Variants in GPD1L observed in about 807,000 individuals in gnomAD.
GPD1L encodes glycerol-3-phosphate dehydrogenase 1-like protein.
GPD1L carries 17 observed loss-of-function variants against 32.9 expected under a neutral mutation model. The observed-to-expected ratio is 0.52, with a 90% CI of 0.35 to 0.78. The LOEUF (loss-of-function observed/expected upper bound fraction) is 0.78. Among genes scored for constraint, GPD1L ranks in the 30% least tolerant of loss-of-function variants. GPD1L has a pLI of 0.01. For missense variants in GPD1L, 361 were observed against 447.8 expected, an observed-to-expected ratio of 0.81 and a Z score of 1.75; for synonymous variants, 187 against 165.9, an observed-to-expected ratio of 1.13 and a Z score of -0.98.
At chr3:32,136,427 A>C (rs1452551017) in intron 2 of GPD1L, among the ~76,000 whole-genome samples, 1 of 152,230 alleles carries the variant, frequency 6.6e-6, no homozygotes, top group Non-Finnish European at 1.5e-5. Flanking sequence ...GGTAGGGGCC[A>C]ATTCCACCCA....
chr3:32,121,027 G>A (rs1401501203), intron 1 of GPD1L, among the ~76,000 whole-genome samples: 1 of 152,092 alleles, frequency 6.6e-6, no homozygotes, highest in Non-Finnish European at 1.5e-5. Flanking sequence ...TAGAGCAGAA[G>A]GGTTAAAAGG....
Position 32,168,145 on chromosome 3 carries a change from C to T in GPD1L, c.*2235C>T, listed in dbSNP as rs376782349. On this transcript the variant is annotated 3_prime_UTR_variant, in exon 8 of 8. Transcript: ENST00000282541. ...TTCTTTACAAATGCCCTTGTAATTA[C>T]CACTCTGAAGTCTGCTGACTGTGTC... The T allele has an allele frequency of 8.5e-5, 13 of 152,350 alleles. No individual in the cohort carries two copies. The highest frequency in any genetic ancestry group is 5.2e-4 in the Admixed American group (8 of 15,292). 9.4% of individuals were successfully genotyped at this position (152,350 alleles called of 1,614,324 possible).
chr3:32,156,424 A>G (rs1242081124), intron 5 of GPD1L, among the ~76,000 whole-genome samples: 2 of 152,150 alleles, frequency 1.3e-5, no homozygotes, highest in Non-Finnish European at 2.9e-5. Flanking sequence ...CTGCAATGAG[A>G]GGCATAAGCA....
At chr3:32,136,341 C>A (rs1455325326) in intron 2 of GPD1L, among the ~76,000 whole-genome samples, 1 of 152,238 alleles carries the variant, frequency 6.6e-6, no homozygotes, top group African/African-American at 2.4e-5. Context: ...CAGAAGACAT[C>A]TACTGGTTTC....
At chr3:32,118,128 A>G (rs2125471805) in intron 1 of GPD1L, among the ~76,000 whole-genome samples, 1 of 152,334 alleles carries the variant, frequency 6.6e-6, no homozygotes, top group South Asian at 2.1e-4. Flanking sequence ...GTTGGCTAAC[A>G]GGCCTTGGGA....
intron 7 of GPD1L, among the ~76,000 whole-genome samples, chr3:32,162,257 G>C (rs186805585): frequency 1.6e-4 from 25 of 152,308 alleles, no homozygotes; most frequent in African/African-American, 6.0e-4. Context: ...ATGGTCCTTA[G>C]GCAGATGTGG....
chr3:32,149,025 A>G (rs371994351), intron 5 of GPD1L, among the ~76,000 whole-genome samples: 14 of 152,314 alleles, frequency 9.2e-5, no homozygotes, highest in African/African-American at 3.4e-4. Flanking sequence ...AACAAAAACT[A>G]GATATTAGTG....
intron 1 of GPD1L, among the ~76,000 whole-genome samples, chr3:32,108,206 C>G (rs528190587): frequency 1.4e-4 from 22 of 152,042 alleles, no homozygotes; most frequent in African/African-American, 5.1e-4. Flanking sequence ...GGCAACACGG[C>G]AAAACCCCGC....
intron 4 of GPD1L, among the ~76,000 whole-genome samples, chr3:32,144,437 C>T (rs541233314): frequency 6.6e-6 from 1 of 152,166 alleles, no homozygotes; most frequent in African/African-American, 2.4e-5. Flanking sequence ...TACATAAGCT[C>T]CTTATGGAAC....
At chr3:32,113,072 C>T (rs540448444) in intron 1 of GPD1L, among the ~76,000 whole-genome samples, 17 of 152,268 alleles carry the variant, frequency 1.1e-4, no homozygotes, top group Middle Eastern at 3.4e-3. Context: ...CAACAAAATC[C>T]AATTTTATAT....
chr3:32,158,908 C>T lies in GPD1L; in HGVS notation c.651C>T (p.Asp217=), dbSNP rs149641866. ...TAGCTGTGGGAGCTGGGTTCTGCGA[C>T]GGCCTCCGCTGTGGAGACAACACCA... ...NIVAVGAGFC[D]GLRCGDNTKA... The change falls in exon 6 of 8, where the codon GAC becomes GAT. Residue 217 remains aspartate (D), a synonymous_variant. Transcript: ENST00000282541. 1.1e-4 allele frequency: 180 copies of T among 1,614,096 alleles called. No individual in the cohort carries two copies. The highest frequency in any genetic ancestry group is 1.4e-4 in the Non-Finnish European group (163 of 1,180,006).
At chr3:32,150,330 T>C (rs547396086) in intron 5 of GPD1L, among the ~76,000 whole-genome samples, 2 of 152,290 alleles carry the variant, frequency 1.3e-5, no homozygotes, top group South Asian at 4.1e-4. Flanking sequence ...TTAATCTATG[T>C]TATCTTTTTT....
chr3:32,108,881 C>T (rs1038949897), intron 1 of GPD1L, among the ~76,000 whole-genome samples: 1 of 152,264 alleles, frequency 6.6e-6, no homozygotes. Flanking sequence ...ACGGAGTCTC[C>T]CTCTGTCGCC....
intron 5 of GPD1L, chr3:32,151,638 C>G (rs1274016866): frequency 5.8e-6 from 1 of 171,654 alleles, no homozygotes; most frequent in Non-Finnish European, 1.2e-5. Flanking sequence ...TGCCACCATG[C>G]CTGCTAATTT....
intron 3 of GPD1L, 59 bp from the exon 4 acceptor site, chr3:32,140,169 A>G (rs775149433): frequency 3.2e-6 from 5 of 1,574,842 alleles, no homozygotes; most frequent in African/African-American, 1.3e-5. Context: ...GACATCTACT[A>G]TCCCATGCCT....
chr3:32,144,336 A>G (rs1700790010), intron 4 of GPD1L, among the ~76,000 whole-genome samples: 1 of 152,172 alleles, frequency 6.6e-6, no homozygotes, highest in Non-Finnish European at 1.5e-5. Context: ...TTCTTGGGGC[A>G]TACCACAGAC....
At chr3:32,148,689 C>A (rs541988599) in intron 5 of GPD1L, among the ~76,000 whole-genome samples, 10 of 152,276 alleles carry the variant, frequency 6.6e-5, no homozygotes, top group Admixed American at 6.5e-4. Flanking sequence ...ACTCTCAGCC[C>A]AGTTTCTTTG....
chr3:32,129,153 TTGAA>T (rs1700553681), intron 2 of GPD1L, among the ~76,000 whole-genome samples: 1 of 152,218 alleles, frequency 6.6e-6, no homozygotes, highest in Non-Finnish European at 1.5e-5. Context: ...CATAATCTCT[TTGAA>T]AAACAGACAG....
chr3:32,156,346 C>G (rs1331865803), intron 5 of GPD1L, among the ~76,000 whole-genome samples: 1 of 152,234 alleles, frequency 6.6e-6, no homozygotes, highest in Non-Finnish European at 1.5e-5. Flanking sequence ...GTTCCTAGGA[C>G]CAATTCCTCA....
Sources: gnomAD v4.1 joint callset for allele counts (sites outside exome capture counted in the v4.1 genomes callset) on GRCh38, gnomAD v4.1.1 for gene constraint, MANE v1.5 for transcripts, NCBI Gene and HGNC (gene_info 2026-07-23, HGNC 2026-07-21) for gene names.